The following HS3ST3B1 variants were observed in gnomAD, a reference collection of about 807,000 sequenced individuals.
HS3ST3B1 encodes heparan sulfate-glucosamine 3-sulfotransferase 3B1.
HS3ST3B1 carries 13 observed loss-of-function variants against 21.3 expected under a neutral mutation model. That is an observed-to-expected ratio of 0.61 (90% confidence interval 0.40 to 0.97). The LOEUF is 0.97. Ranked by LOEUF, HS3ST3B1 falls within the 50% of genes least tolerant of loss-of-function variation. The probability of loss-of-function intolerance (pLI) is 0.00; values close to 1 mark genes in which losing one functional copy is unlikely to be tolerated. For synonymous variants in HS3ST3B1, 234 were observed against 254.8 expected, an observed-to-expected ratio of 0.92 and a Z score of 0.78; for missense variants, 459 against 554.8, an observed-to-expected ratio of 0.83 and a Z score of 1.73.
intron 1 of HS3ST3B1, among the ~76,000 whole-genome samples, chr17:14,302,909 G>A (rs75280274): frequency 6.6e-6 from 1 of 152,172 alleles, no homozygotes; most frequent in Non-Finnish European, 1.5e-5. Flanking sequence ...AAGAATATTC[G>A]GGGCCCATTG....
At chr17:14,330,583 G>GTT (rs1909979647) in intron 1 of HS3ST3B1, among the ~76,000 whole-genome samples, 1 of 150,502 alleles carries the variant, frequency 6.6e-6, no homozygotes, top group Non-Finnish European at 1.5e-5. Flanking sequence ...GTGTGTGTGT[G>GTT]TTGCTTGCGG....
chr17:14,329,357 GAAA>G (rs1422182417), intron 1 of HS3ST3B1: 62 of 99,828 alleles, frequency 6.2e-4, no homozygotes, highest in Admixed American at 9.0e-4. Flanking sequence ...AAGAAAGAAA[GAAA>G]GAAAGAAAAG....
intron 1 of HS3ST3B1, among the ~76,000 whole-genome samples, chr17:14,314,484 T>C (rs971286694): frequency 2.6e-5 from 4 of 152,188 alleles, no homozygotes; most frequent in Non-Finnish European, 5.9e-5. Flanking sequence ...ACAACCACTA[T>C]CTCACCTTCT....
intron 1 of HS3ST3B1, among the ~76,000 whole-genome samples, chr17:14,340,258 C>T (rs1910330920): frequency 6.6e-6 from 1 of 152,144 alleles, no homozygotes; most frequent in Admixed American, 6.5e-5. Flanking sequence ...AACTCCTCAC[C>T]CTTGATATCT....
chr17:14,344,767 G>C (rs1460167895), intron 1 of HS3ST3B1, among the ~76,000 whole-genome samples: 2 of 152,186 alleles, frequency 1.3e-5, no homozygotes, highest in Non-Finnish European at 2.9e-5. Context: ...ATACCCACAA[G>C]AGGATCTTAG....
At position 14,346,836 on chromosome 17, in the gene HS3ST3B1, A is replaced by G. The variant is rs8077723; in HGVS notation, c.*1190A>G. On this transcript the variant is annotated 3_prime_UTR_variant, in exon 2 of 2. Transcript: ENST00000360954. The stretch of plus-strand genomic sequence containing the variant: ...AAGAATCCCGTAGGCTAGCAGAGCC[A>G]CCAGCACAAACCAAGGGCGCTGGGT... 107,528 of 152,138 alleles carry G rather than the reference A, an allele frequency of 0.71. 38,371 individuals carry two copies. Among genetic ancestry groups the G allele is most frequent in the East Asian group, 0.91 (4,722 of 5,174 alleles). The allele number at this position is 152,138 out of a possible 1,614,324, so 9.4% of individuals were successfully genotyped here. A position where few individuals can be genotyped will look rare whatever the true frequency, so the allele number is the denominator to read the frequency against.
chr17:14,323,307 C>A (rs1909714494), intron 1 of HS3ST3B1, among the ~76,000 whole-genome samples: 1 of 152,188 alleles, frequency 6.6e-6, no homozygotes, highest in African/African-American at 2.4e-5. Flanking sequence ...TCCTTGGGTA[C>A]TGCACTGGGG....
In HS3ST3B1 at chr17:14,301,443, C is replaced by T. The variant is rs1393630506; in HGVS notation, c.-76C>T. The T allele has an allele frequency of 3.9e-6, 5 of 1,284,170 alleles. No individual in the cohort carries two copies. The South Asian group carries it at 5.7e-5, about 15-fold the overall frequency. 79.5% of individuals were successfully genotyped at this position (1,284,170 alleles called of 1,614,324 possible). A position where few individuals can be genotyped will look rare whatever the true frequency, so the allele number is the denominator to read the frequency against. Reference sequence around the variant, plus strand: ...CCGGGCGTCCAGCGTGCCGGGGAACCCTCTCTGCGCTCACTGCCCGGCGGG... The same window carrying T: ...CCGGGCGTCCAGCGTGCCGGGGAACTCTCTCTGCGCTCACTGCCCGGCGGG... On this transcript the variant is annotated 5_prime_UTR_variant, in exon 1 of 2. Transcript: ENST00000360954.
chr17:14,333,854 C>T (rs1910101853), intron 1 of HS3ST3B1, among the ~76,000 whole-genome samples: 1 of 151,930 alleles, frequency 6.6e-6, no homozygotes, highest in Non-Finnish European at 1.5e-5. Context: ...GCAACCTCTC[C>T]CGGGTTCAAG....
At chr17:14,344,999 A>C in intron 1 of HS3ST3B1, 29 bp from the exon 2 acceptor site, 1 of 1,601,080 alleles carries the variant, frequency 6.2e-7, no homozygotes, top group Non-Finnish European at 8.5e-7. Flanking sequence ...TCACCTTCTG[A>C]TCCCGGTTTG....
In HS3ST3B1 at chr17:14,342,579, G is replaced by A. The variant is rs190280678; in HGVS notation, c.555-2449G>A. Among the ~76,000 whole-genome samples the A allele has an allele frequency of 1.0e-3, 159 of 152,246 alleles. 2 individuals are homozygous for A. Among genetic ancestry groups the A allele is most frequent in the African/African-American group, 3.4e-3 (143 of 41,536 alleles). On this transcript the variant is annotated intron_variant, in intron 1 of 1. Coordinates refer to ENST00000360954, the MANE Select transcript of HS3ST3B1 (RefSeq NM_006041.3). ...ATGACAGTAGTAGTGGCTGATATTT[G>A]TTAAGTATATTCCATATGTCAGGTG...
rs138125599 is a variant in HS3ST3B1 at position 14,325,335 on chromosome 17, A to T, written c.555-19693A>T. Among the ~76,000 whole-genome samples, 41 of 152,364 alleles carry T rather than the reference A, an allele frequency of 2.7e-4. 1 individual carries two copies. The highest frequency in any genetic ancestry group is 4.9e-4 in the Non-Finnish European group (33 of 68,032). ...AAAAACCTTATTTCGCTCATTATTA[A>T]TGATGGAACCAGGCAAATGTTACCA... On this transcript the variant is annotated intron_variant, in intron 1 of 1. Transcript: ENST00000360954.
rs1054180691 is a variant in HS3ST3B1, at chr17:14,345,990, C to T, written c.*344C>T. ...ACCGTCTGAGTTCTCCAGTTGCTGCCTCCTTGTCTTGTCTTGGGTCTCCCA... is the reference window on the plus strand; with the variant it reads ...ACCGTCTGAGTTCTCCAGTTGCTGCTTCCTTGTCTTGTCTTGGGTCTCCCA... On this transcript the variant is annotated 3_prime_UTR_variant, in exon 2 of 2. Transcript: ENST00000360954. 8.8e-6 allele frequency: 2 copies of T among 226,288 alleles called. No individual in the cohort carries two copies. The highest frequency in any genetic ancestry group is 1.7e-5 in the Non-Finnish European group (2 of 116,020). 14.0% of individuals were successfully genotyped at this position (226,288 alleles called of 1,614,324 possible). A position where few individuals can be genotyped will look rare whatever the true frequency, so the allele number is the denominator to read the frequency against.
intron 1 of HS3ST3B1, among the ~76,000 whole-genome samples, chr17:14,343,059 T>C (rs1274915622): frequency 2.0e-5 from 3 of 152,006 alleles, no homozygotes; most frequent in Admixed American, 6.6e-5. Context: ...CTGGCCAACA[T>C]GGTGAAACCC....
At chr17:14,341,619 G>A (rs2142353409) in intron 1 of HS3ST3B1, among the ~76,000 whole-genome samples, 1 of 152,076 alleles carries the variant, frequency 6.6e-6, no homozygotes, top group East Asian at 1.9e-4. Flanking sequence ...TTAGTAAATG[G>A]AGGTGCTGAG....
intron 1 of HS3ST3B1, among the ~76,000 whole-genome samples, chr17:14,338,929 A>G (rs961198280): frequency 6.6e-6 from 1 of 152,152 alleles, no homozygotes; most frequent in Non-Finnish European, 1.5e-5. Flanking sequence ...CTTAGGTTTA[A>G]TTAAAGAAGT....
At chr17:14,302,158 A>G (rs1303237368) in intron 1 of HS3ST3B1, 86 bp downstream of exon 1, 19 of 1,455,246 alleles carry the variant, frequency 1.3e-5, no homozygotes, top group Non-Finnish European at 1.5e-5. Flanking sequence ...GGGAATTGGC[A>G]GGGTTACAGC....
rs759827131 is a variant in HS3ST3B1 at position 14,345,674 on chromosome 17, C to T, written c.*28C>T. 68 of 1,599,120 alleles carry T rather than the reference C, an allele frequency of 4.3e-5. No individual in the cohort carries two copies. The Admixed American group carries it at 1.1e-3, about 27-fold the overall frequency. On this transcript the variant is annotated 3_prime_UTR_variant, in exon 2 of 2. Coordinates refer to ENST00000360954, the MANE Select transcript of HS3ST3B1 (RefSeq NM_006041.3). ...AGACCCGGGCTATGTACCTTACCCA[C>T]GTGGCTTATCTATTGACAGAGATTA...
chr17:14,316,144 T>G (rs1478549584), intron 1 of HS3ST3B1, among the ~76,000 whole-genome samples: 2 of 152,264 alleles, frequency 1.3e-5, no homozygotes, highest in Middle Eastern at 3.4e-3. Context: ...CCTTTACCCC[T>G]TGGAGCAGGC....
Sources: allele counts gnomAD v4.1 joint callset (sites outside exome capture counted in the v4.1 genomes callset), GRCh38; gene constraint gnomAD v4.1.1; transcripts MANE v1.5; gene names NCBI Gene and HGNC (gene_info 2026-07-23, HGNC 2026-07-21).